Variants in FMN1 observed in about 807,000 individuals in gnomAD.
The protein encoded by FMN1 is formin 1, also known as formin-1.
A neutral mutation model predicts 132.4 loss-of-function variants in FMN1; 110 were observed. The ratio of observed to expected loss-of-function variants is 0.83; its 90% confidence interval spans 0.71 to 0.97. FMN1 has a LOEUF of 0.97. Ranked by LOEUF, FMN1 falls within the 50% of genes least tolerant of loss-of-function variation. The pLI is 0.00. For missense variants in FMN1, 1,792 were observed against 1,705.3 expected (o/e 1.05, Z -0.90); for synonymous variants, 722 against 651.7 (o/e 1.11, Z -1.64).
chr15:32,946,308 C>G (rs1425945176), intron 9 of FMN1, among the ~76,000 whole-genome samples: 2 of 152,002 alleles, frequency 1.3e-5, no homozygotes, highest in African/African-American at 4.8e-5. Context: ...AAAAACCTAC[C>G]CACTGCCATC....
At chr15:32,899,898 T>C in intron 14 of FMN1, 81 bp downstream of exon 14, 2 of 1,389,898 alleles carry the variant, frequency 1.4e-6, no homozygotes, top group South Asian at 2.6e-5. Flanking sequence ...AATGGAACAA[T>C]CTGGAATACG....
intron 2 of FMN1, among the ~76,000 whole-genome samples, chr15:33,182,973 G>C (rs1348894047): frequency 6.6e-6 from 1 of 152,108 alleles, no homozygotes; most frequent in Non-Finnish European, 1.5e-5. Context: ...GCAGCGAAGG[G>C]GCTTGCTCAG....
chr15:33,006,116 A>G (rs376218503), intron 7 of FMN1, among the ~76,000 whole-genome samples: 11 of 152,338 alleles, frequency 7.2e-5, no homozygotes, highest in African/African-American at 2.6e-4. Flanking sequence ...GCACATTATC[A>G]TTCATTGAAA....
chr15:32,930,781 T>C (rs1389173656), intron 9 of FMN1, among the ~76,000 whole-genome samples: 4 of 152,132 alleles, frequency 2.6e-5, no homozygotes, highest in Admixed American at 2.0e-4. Context: ...AAATCAATTT[T>C]AGAGGACTTT....
At position 32,948,023 on chromosome 15, in the gene FMN1, A is replaced by C. The variant is rs1400219481; in HGVS notation, c.3138+16084T>G. Among the ~76,000 whole-genome samples the C allele has an allele frequency of 2.0e-5, 3 of 152,166 alleles. No individual in the cohort carries two copies. In the East Asian group the frequency reaches 5.8e-4, roughly 29 times the overall value. On this transcript the variant is annotated intron_variant, in intron 9 of 20. Transcript: ENST00000616417. ...CATATTCCTATTTCGTACTGATCTC[A>C]AAAAGAAAGCTTTCAAATTTTCACC... is the stretch of plus-strand genomic sequence containing the variant.
intron 18 of FMN1, among the ~76,000 whole-genome samples, chr15:32,799,249 T>A (rs916682715): frequency 4.6e-5 from 7 of 152,188 alleles, no homozygotes; most frequent in African/African-American, 1.7e-4. Flanking sequence ...TTGTTCTTCA[T>A]CTCAAATCCC....
At chr15:32,982,440 T>C (rs1315379720) in intron 7 of FMN1, among the ~76,000 whole-genome samples, 5 of 152,162 alleles carry the variant, frequency 3.3e-5, no homozygotes, top group Non-Finnish European at 7.4e-5. Flanking sequence ...AACAAAAACA[T>C]AGGTTAATAT....
intron 7 of FMN1, among the ~76,000 whole-genome samples, chr15:32,972,426 T>G (rs530730147): frequency 6.6e-6 from 1 of 152,352 alleles, no homozygotes; most frequent in African/African-American, 2.4e-5. Context: ...TTCATTCACT[T>G]TCACCCAATT....
chr15:32,903,986 T>G (rs952411976), intron 12 of FMN1, among the ~76,000 whole-genome samples: 1 of 152,204 alleles, frequency 6.6e-6, no homozygotes, highest in Non-Finnish European at 1.5e-5. Context: ...ACTTGAAAAT[T>G]CATACTAGAA....
At chr15:33,175,538 G>C (rs919428958) in intron 3 of FMN1, among the ~76,000 whole-genome samples, 1 of 152,160 alleles carries the variant, frequency 6.6e-6, no homozygotes, top group Non-Finnish European at 1.5e-5. Context: ...AAGGTAGGGA[G>C]CCCCTATTTC....
chr15:32,870,324 G>C (rs1175613544), intron 16 of FMN1, among the ~76,000 whole-genome samples: 3 of 152,180 alleles, frequency 2.0e-5, no homozygotes, highest in African/African-American at 7.2e-5. Context: ...TCTTTCTCCA[G>C]AGGAATGTTC....
At chr15:33,112,580 A>G (rs2039751815) in intron 4 of FMN1, among the ~76,000 whole-genome samples, 1 of 152,190 alleles carries the variant, frequency 6.6e-6, no homozygotes, top group Non-Finnish European at 1.5e-5. Flanking sequence ...AACCCCTATC[A>G]TAAAAACACT....
At chr15:32,831,399 T>G (rs1444446901) in intron 17 of FMN1, among the ~76,000 whole-genome samples, 1 of 151,992 alleles carries the variant, frequency 6.6e-6, no homozygotes, top group East Asian at 1.9e-4. Flanking sequence ...ATAACGCACA[T>G]ATCATGGAAG....
At chr15:32,861,895 T>C (rs1192508427) in intron 16 of FMN1, among the ~76,000 whole-genome samples, 1 of 152,186 alleles carries the variant, frequency 6.6e-6, no homozygotes, top group East Asian at 1.9e-4. Flanking sequence ...GTTTTGAAAT[T>C]AGAAACTGAA....
chr15:33,052,842 T>C (rs2037040911), intron 6 of FMN1, among the ~76,000 whole-genome samples: 1 of 152,208 alleles, frequency 6.6e-6, no homozygotes. Flanking sequence ...ATTGGTTTTC[T>C]ACACTGTCAT....
intron 17 of FMN1, among the ~76,000 whole-genome samples, chr15:32,855,777 A>G (rs1258676099): frequency 2.0e-5 from 3 of 152,250 alleles, no homozygotes; most frequent in Non-Finnish European, 2.9e-5. Flanking sequence ...AGCAAAGGGA[A>G]GTAGTTCATG....
chr15:32,788,744 T>C (rs559020894), intron 19 of FMN1, among the ~76,000 whole-genome samples: 4 of 152,362 alleles, frequency 2.6e-5, no homozygotes, highest in African/African-American at 7.2e-5. Flanking sequence ...TGCGGACAGA[T>C]GCTCTCTAAG....
intron 4 of FMN1, among the ~76,000 whole-genome samples, chr15:33,109,726 A>T (rs1406775169): frequency 6.6e-6 from 1 of 152,016 alleles, no homozygotes; most frequent in African/African-American, 2.4e-5. Flanking sequence ...CAGAAACAAT[A>T]TTCGATACTG....
chr15:32,976,368 G>A (rs1221940857), intron 7 of FMN1, among the ~76,000 whole-genome samples: 2 of 152,120 alleles, frequency 1.3e-5, no homozygotes, highest in Non-Finnish European at 2.9e-5. Flanking sequence ...CTTAGGTAAG[G>A]CAAGGAGATG....
Sources: allele counts gnomAD v4.1 joint callset (sites outside exome capture counted in the v4.1 genomes callset), GRCh38; gene constraint gnomAD v4.1.1; transcripts MANE v1.5; gene names NCBI Gene and HGNC (gene_info 2026-07-23, HGNC 2026-07-21).